The following ITGA8 variants were observed in gnomAD, a reference collection of about 807,000 sequenced individuals.
The protein encoded by ITGA8 is integrin subunit alpha 8.
ITGA8 carries 91 observed loss-of-function variants against 142.3 expected under a neutral mutation model. The observed-to-expected ratio is 0.64, with a 90% CI of 0.54 to 0.76. The LOEUF (loss-of-function observed/expected upper bound fraction) is 0.76. ITGA8 is among the 30% of genes least tolerant of loss of function. ITGA8 has a pLI of 0.00. For synonymous variants in ITGA8, 505 were observed against 485.2 expected, an observed-to-expected ratio of 1.04 and a Z score of -0.54; for missense variants, 1,406 against 1,327.7, an observed-to-expected ratio of 1.06 and a Z score of -0.92.
intron 25 of ITGA8, among the ~76,000 whole-genome samples, chr10:15,564,350 A>G (rs1329138763): frequency 2.6e-5 from 4 of 152,362 alleles, no homozygotes; most frequent in African/African-American, 7.2e-5. Context: ...TTCACAATTG[A>G]CAGTGAACCT....
chr10:15,592,335 A>C (rs1424574744), intron 21 of ITGA8, 31 bp from the exon 22 acceptor site: 2 of 1,457,978 alleles, frequency 1.4e-6, no homozygotes, highest in South Asian at 2.3e-5. Flanking sequence ...ACACAAGAGT[A>C]GCTTGTACAC....
At chr10:15,599,561 A>C (rs1394700731) in intron 20 of ITGA8, among the ~76,000 whole-genome samples, 1 of 152,136 alleles carries the variant, frequency 6.6e-6, no homozygotes, top group Non-Finnish European at 1.5e-5. Flanking sequence ...AGATCCAAGC[A>C]ATCAGAGAAG....
intron 23 of ITGA8, among the ~76,000 whole-genome samples, chr10:15,583,120 C>G (rs1834444462): frequency 6.6e-6 from 1 of 152,168 alleles, no homozygotes; most frequent in Non-Finnish European, 1.5e-5. Flanking sequence ...AACTGAAATG[C>G]CCATCCAGAT....
intron 8 of ITGA8, among the ~76,000 whole-genome samples, chr10:15,670,618 G>C (rs962076189): frequency 3.9e-5 from 6 of 152,192 alleles, no homozygotes; most frequent in Non-Finnish European, 7.3e-5. Context: ...AGTGATATAT[G>C]TGATACCATT....
intron 11 of ITGA8, 127 bp downstream of exon 11, chr10:15,655,227 A>C (rs2131664944): frequency 1.7e-6 from 1 of 572,568 alleles, no homozygotes; most frequent in East Asian, 3.2e-5. Flanking sequence ...TGAACCAAAA[A>C]AGTTGAGAAC....
At chr10:15,639,907 G>A (rs1443206381) in intron 13 of ITGA8, among the ~76,000 whole-genome samples, 2 of 152,214 alleles carry the variant, frequency 1.3e-5, no homozygotes, top group Non-Finnish European at 2.9e-5. Flanking sequence ...GAGGGAGGAA[G>A]TCAATTTGTT....
At chr10:15,647,705 A>G (rs988297221) in intron 11 of ITGA8, among the ~76,000 whole-genome samples, 1 of 146,162 alleles carries the variant, frequency 6.8e-6, no homozygotes, top group Non-Finnish European at 1.5e-5. Context: ...CTCATGATCC[A>G]CCCGCCTCGG....
chr10:15,607,517 A>C (rs1387904596), intron 17 of ITGA8, among the ~76,000 whole-genome samples, 160 bp downstream of exon 17: 3 of 152,228 alleles, frequency 2.0e-5, no homozygotes, highest in African/African-American at 7.2e-5. Flanking sequence ...AGTCAGGGTC[A>C]AGAGGAGAGT....
At chr10:15,554,788 GT>G in intron 26 of ITGA8, among the ~76,000 whole-genome samples, 1 of 151,102 alleles carries the variant, frequency 6.6e-6, no homozygotes, top group Non-Finnish European at 1.5e-5. Flanking sequence ...TTGACTCACA[GT>G]TCCACAGGCT....
chr10:15,565,212 A>G (rs1254268371), intron 25 of ITGA8, among the ~76,000 whole-genome samples: 1 of 152,250 alleles, frequency 6.6e-6, no homozygotes, highest in Non-Finnish European at 1.5e-5. Context: ...TCCCATAAGA[A>G]AGAGGAAGCA....
chr10:15,514,257 T>C lies in ITGA8; in HGVS notation c.*2901A>G, dbSNP rs1263325826. ...TATGAATTATGAAGGCAATCGGCAATGCTCTAACTAGAAGCAGATAACGCT... is the reference window on the plus strand; with the variant it reads ...TATGAATTATGAAGGCAATCGGCAACGCTCTAACTAGAAGCAGATAACGCT... On this transcript the variant is annotated 3_prime_UTR_variant, in exon 30 of 30. Transcript: ENST00000378076. The C allele has an allele frequency of 7.8e-6, 1 of 128,428 alleles. No individual in the cohort carries two copies. The highest frequency in any genetic ancestry group is 2.5e-5 in the African/African-American group (1 of 40,728). 8.0% of individuals were successfully genotyped at this position (128,428 alleles called of 1,614,324 possible).
At chr10:15,537,873 C>T (rs1164007578) in intron 27 of ITGA8, among the ~76,000 whole-genome samples, 1 of 151,800 alleles carries the variant, frequency 6.6e-6, no homozygotes, top group African/African-American at 2.4e-5. Flanking sequence ...ATCCCGGTGC[C>T]TTGGAAGGCC....
intron 2 of ITGA8, among the ~76,000 whole-genome samples, chr10:15,697,440 G>A (rs573674429): frequency 6.6e-6 from 1 of 152,172 alleles, no homozygotes; most frequent in Admixed American, 6.5e-5. Context: ...TCCCCGTCCA[G>A]AGGTTGCCAC....
chr10:15,546,662 A>G (rs376685486), intron 27 of ITGA8, among the ~76,000 whole-genome samples: 1 of 151,722 alleles, frequency 6.6e-6, no homozygotes, highest in South Asian at 2.1e-4. Flanking sequence ...AGATTGAGAA[A>G]CTCTGCCTTA....
chr10:15,646,186 G>C (rs751205309), intron 12 of ITGA8, among the ~76,000 whole-genome samples: 1 of 152,190 alleles, frequency 6.6e-6, no homozygotes, highest in Non-Finnish European at 1.5e-5. Flanking sequence ...TTGGACGTCA[G>C]AGCAATGACG....
intron 23 of ITGA8, among the ~76,000 whole-genome samples, chr10:15,585,507 C>T (rs1275970301): frequency 2.6e-5 from 4 of 152,206 alleles, no homozygotes; most frequent in Non-Finnish European, 5.9e-5. Context: ...GCTGAAATAC[C>T]AGCTGTCATC....
At chr10:15,683,372 A>G (rs991861884) in intron 4 of ITGA8, among the ~76,000 whole-genome samples, 1 of 150,148 alleles carries the variant, frequency 6.7e-6, no homozygotes, top group Non-Finnish European at 1.5e-5. Context: ...GGGGTATTCA[A>G]CAGAGATAAA....
intron 22 of ITGA8, among the ~76,000 whole-genome samples, chr10:15,589,949 G>A (rs1323812242): frequency 6.6e-6 from 1 of 152,048 alleles, no homozygotes; most frequent in Non-Finnish European, 1.5e-5. Flanking sequence ...TTTTAGTAGA[G>A]AAAAGGTTTC....
In ITGA8 at chr10:15,516,027, C is replaced by A. The variant is rs1358451452; in HGVS notation, c.*1131G>T. 6.6e-6 allele frequency: 1 copy of A among 152,042 alleles called. No homozygotes were observed. Among genetic ancestry groups the A allele is most frequent in the African/African-American group, 2.4e-5 (1 of 41,414 alleles). 9.4% of individuals were successfully genotyped at this position (152,042 alleles called of 1,614,324 possible). On this transcript the variant is annotated 3_prime_UTR_variant, in exon 30 of 30. Coordinates refer to ENST00000378076, the MANE Select transcript of ITGA8 (RefSeq NM_003638.3). ...TTTATGTTTTTGTCTAAGTTATATTCAACATGTTTTCTCTGTGTATACAAG... is the reference window on the plus strand; with the variant it reads ...TTTATGTTTTTGTCTAAGTTATATTAAACATGTTTTCTCTGTGTATACAAG...
Sources: allele counts gnomAD v4.1 joint callset (sites outside exome capture counted in the v4.1 genomes callset), GRCh38; gene constraint gnomAD v4.1.1; transcripts MANE v1.5; gene names NCBI Gene and HGNC (gene_info 2026-07-23, HGNC 2026-07-21).